RBFOX1: variants seen among roughly 807,000 people sequenced by gnomAD.
The protein encoded by RBFOX1 is RNA binding protein fox-1 homolog 1.
Under a neutral mutation model 57.7 loss-of-function variants are expected in RBFOX1, and 8 were observed. That is an observed-to-expected ratio of 0.14 (90% confidence interval 0.08 to 0.25). The LOEUF is 0.25. Among genes scored for constraint, RBFOX1 ranks in the 10% least tolerant of loss-of-function variants. The pLI is 1.00. For synonymous variants in RBFOX1, 326 were observed against 222.4 expected (o/e 1.47, Z -4.15); for missense variants, 611 against 548.5 (o/e 1.11, Z -1.14).
intron 4 of RBFOX1, among the ~76,000 whole-genome samples, chr16:5,981,554 C>T (rs561561030): frequency 4.6e-5 from 7 of 152,262 alleles, no homozygotes; most frequent in South Asian, 4.2e-4. Flanking sequence ...CTGCAGCCTC[C>T]GCCTCCCAGG....
chr16:5,762,869 T>A (rs2053637577), intron 3 of RBFOX1, among the ~76,000 whole-genome samples: 1 of 152,210 alleles, frequency 6.6e-6, no homozygotes, highest in Non-Finnish European at 1.5e-5. Context: ...TTGGCTTGTT[T>A]AAAAATATGT....
intron 3 of RBFOX1, among the ~76,000 whole-genome samples, chr16:7,021,122 T>C (rs1022510664): frequency 6.6e-6 from 1 of 152,084 alleles, no homozygotes; most frequent in Non-Finnish European, 1.5e-5. Context: ...AGCAAGACTC[T>C]TTTTCAAAAA....
intron 4 of RBFOX1, among the ~76,000 whole-genome samples, chr16:7,393,136 A>T (rs562306725): frequency 1.5e-4 from 23 of 152,238 alleles, no homozygotes; most frequent in African/African-American, 5.5e-4. Flanking sequence ...AGCCTCCTAA[A>T]GTGGTGGGAT....
chr16:6,623,606 C>G (rs566697180), intron 2 of RBFOX1, among the ~76,000 whole-genome samples: 1 of 152,142 alleles, frequency 6.6e-6, no homozygotes, highest in South Asian at 2.1e-4. Context: ...CCCCACACCC[C>G]ACAACAGGCC....
intron 5 of RBFOX1, among the ~76,000 whole-genome samples, chr16:7,567,255 A>ATATATCCC (rs1172620285): frequency 6.1e-4 from 51 of 84,000 alleles, no homozygotes; most frequent in Middle Eastern, 8.9e-3. Flanking sequence ...ATATCCCTAT[A>ATATATCCC]TATATATATC....
At chr16:5,720,565 T>C (rs2051892123) in intron 3 of RBFOX1, among the ~76,000 whole-genome samples, 1 of 152,210 alleles carries the variant, frequency 6.6e-6, no homozygotes, top group Non-Finnish European at 1.5e-5. Flanking sequence ...TTTCGAGTTT[T>C]AGCTCTTCCG....
chr16:5,349,444 C>T (rs1032984359), intron 1 of RBFOX1, among the ~76,000 whole-genome samples: 2 of 152,106 alleles, frequency 1.3e-5, no homozygotes, highest in Admixed American at 1.3e-4. Flanking sequence ...GAGGGTGAGG[C>T]CAGCGGATTA....
At chr16:5,705,081 T>G (rs555259490) in intron 3 of RBFOX1, among the ~76,000 whole-genome samples, 1 of 152,238 alleles carries the variant, frequency 6.6e-6, no homozygotes, top group African/African-American at 2.4e-5. Flanking sequence ...ACACATTGTA[T>G]GTCATTGAGG....
chr16:5,832,433 C>T (rs1597420324), intron 3 of RBFOX1, among the ~76,000 whole-genome samples: 1 of 152,366 alleles, frequency 6.6e-6, no homozygotes, highest in Admixed American at 6.5e-5. Context: ...CGTTACTTGA[C>T]ATCTGTGTGC....
intron 2 of RBFOX1, among the ~76,000 whole-genome samples, chr16:6,619,597 AG>A (rs1337103613): frequency 1.3e-5 from 2 of 152,102 alleles, no homozygotes; most frequent in Admixed American, 6.6e-5. Context: ...TATGCGTCTA[AG>A]GGTAGGAGAC....
At chr16:7,289,848 C>G (rs973296077) in intron 4 of RBFOX1, among the ~76,000 whole-genome samples, 1 of 152,174 alleles carries the variant, frequency 6.6e-6, no homozygotes, top group East Asian at 1.9e-4. Flanking sequence ...TTTTAAATAA[C>G]TTGCCAAAAG....
chr16:6,664,817 A>G (rs1311681384), intron 3 of RBFOX1, among the ~76,000 whole-genome samples: 1 of 152,220 alleles, frequency 6.6e-6, no homozygotes, highest in Non-Finnish European at 1.5e-5. Context: ...GCAAGGTAGT[A>G]CAGTTTTGCA....
At chr16:5,470,200 C>A (rs1195657186) in intron 2 of RBFOX1, among the ~76,000 whole-genome samples, 2 of 152,206 alleles carry the variant, frequency 1.3e-5, no homozygotes, top group African/African-American at 2.4e-5. Flanking sequence ...TTCCACCCAC[C>A]ATGCTGTCCT....
At chr16:5,832,933 T>C (rs934697766) in intron 3 of RBFOX1, among the ~76,000 whole-genome samples, 3 of 152,188 alleles carry the variant, frequency 2.0e-5, no homozygotes, top group African/African-American at 7.2e-5. Flanking sequence ...GTAGAAATCC[T>C]GAAAAAGATA....
chr16:7,095,304 A>G (rs899345760), intron 4 of RBFOX1, among the ~76,000 whole-genome samples: 1 of 151,908 alleles, frequency 6.6e-6, no homozygotes, highest in African/African-American at 2.4e-5. Context: ...TGCCTGGTTC[A>G]TTTTTGTATT....
At chr16:5,784,591 T>TC (rs1401839137) in intron 3 of RBFOX1, among the ~76,000 whole-genome samples, 1 of 152,218 alleles carries the variant, frequency 6.6e-6, no homozygotes, top group South Asian at 2.1e-4. Context: ...GAGAATTCCA[T>TC]CCCCATGATT....
At chr16:6,633,427 A>G (rs575632245) in intron 2 of RBFOX1, among the ~76,000 whole-genome samples, 37 of 152,016 alleles carry the variant, frequency 2.4e-4, no homozygotes, top group Non-Finnish European at 4.6e-4. Flanking sequence ...ACAGGCATGC[A>G]CTACCACACC....
chr16:7,495,826 C>T (rs11639779), intron 4 of RBFOX1, among the ~76,000 whole-genome samples: 29,869 of 152,122 alleles, frequency 0.2, 3,202 homozygotes, highest in East Asian at 0.33. Flanking sequence ...TGTAAGCAAA[C>T]ATCACCTGTT....
At chr16:7,000,586 C>CTTTTTTTTTTTTTTTTTTTTTT (rs149516490) in intron 3 of RBFOX1, among the ~76,000 whole-genome samples, 5 of 95,846 alleles carry the variant, frequency 5.2e-5, no homozygotes, top group African/African-American at 1.7e-4. Flanking sequence ...TTTTTTCTTT[C>CTTTTTTTTTTTTTTTTTTTTTT]TTTTTCTTTC....
Sources: allele counts gnomAD v4.1 joint callset (sites outside exome capture counted in the v4.1 genomes callset), GRCh38; gene constraint gnomAD v4.1.1; transcripts MANE v1.5; gene names NCBI Gene and HGNC (gene_info 2026-07-23, HGNC 2026-07-21).